The following USP53 variants were observed in gnomAD, a reference collection of about 807,000 sequenced individuals.
The protein encoded by USP53 is ubiquitin specific peptidase 53, also known as ubiquitin carboxyl-terminal hydrolase 53.
USP53 carries 71 observed loss-of-function variants against 94.9 expected under a neutral mutation model. The ratio of observed to expected loss-of-function variants is 0.75; its 90% CI spans 0.62 to 0.91. The LOEUF is 0.91. Ranked by LOEUF, USP53 falls within the 40% of genes least tolerant of loss-of-function variation. The probability of loss-of-function intolerance (pLI) is 0.00; values close to 1 mark genes in which losing one functional copy is unlikely to be tolerated. For missense variants in USP53, 1,173 were observed against 1,281.0 expected, an observed-to-expected ratio of 0.92 and a Z score of 1.29; for synonymous variants, 375 against 422.7, an observed-to-expected ratio of 0.89 and a Z score of 1.39.
chr4:119,279,521 A>G (rs375501293), intron 17 of USP53, among the ~76,000 whole-genome samples: 1 of 143,402 alleles, frequency 7.0e-6, no homozygotes, highest in South Asian at 2.2e-4. Context: ...AGACAGGGAC[A>G]CTTAAGTCTG....
At chr4:119,240,273 C>T (rs553886267) in intron 5 of USP53, among the ~76,000 whole-genome samples, 1 of 152,172 alleles carries the variant, frequency 6.6e-6, no homozygotes, top group African/African-American at 2.4e-5. Flanking sequence ...ACATAAGCTG[C>T]TTGTATTGAG....
intron 3 of USP53, among the ~76,000 whole-genome samples, chr4:119,222,242 G>T (rs1744637912): frequency 6.6e-6 from 1 of 152,146 alleles, no homozygotes; most frequent in Non-Finnish European, 1.5e-5. Context: ...AGCATACAGT[G>T]TATAATGATC....
At chr4:119,223,444 G>T (rs1162006897) in intron 3 of USP53, among the ~76,000 whole-genome samples, 2 of 152,050 alleles carry the variant, frequency 1.3e-5, no homozygotes, top group Non-Finnish European at 2.9e-5. Context: ...TTAATCTCTG[G>T]GAAAATCATT....
intron 3 of USP53, chr4:119,218,812 TTC>T (rs1252638801): frequency 2.6e-5 from 4 of 152,200 alleles, no homozygotes; most frequent in Admixed American, 1.3e-4. Context: ...GGTATAACTC[TTC>T]TGTTTGCTAT....
chr4:119,265,305 G>C (rs1750978880), intron 12 of USP53, among the ~76,000 whole-genome samples: 1 of 152,126 alleles, frequency 6.6e-6, no homozygotes, highest in Admixed American at 6.5e-5. Flanking sequence ...GAATTACTTA[G>C]TACTTTGATG....
At position 119,248,834 on chromosome 4, in the gene USP53, T is replaced by C. The variant is rs1199304862; in HGVS notation, c.324T>C (p.Asp108=). 1.2e-6 allele frequency: 2 copies of C among 1,614,168 alleles called. No homozygotes were observed. The highest frequency in any genetic ancestry group is 1.7e-6 in the Non-Finnish European group (2 of 1,180,028). The change falls in exon 7 of 19, where the codon GAT becomes GAC. Residue 108 remains aspartate (D), a synonymous_variant. Coordinates refer to ENST00000692078, the MANE Select transcript of USP53 (RefSeq NM_001371395.1). ...IRHALAESFK[D]EQRFQLGLMD... ...ATGCTCTTGCAGAAAGTTTCAAAGA[T>C]GAGCAGCGATTTCAACTTGGCCTTA... is the stretch of plus-strand genomic sequence containing the variant.
intron 17 of USP53, among the ~76,000 whole-genome samples, chr4:119,276,297 T>G (rs1702499367): frequency 6.7e-6 from 1 of 150,202 alleles, no homozygotes. Context: ...TATTGAGAGT[T>G]TTTAGCATGA....
At chr4:119,258,661 G>T (rs914892076) in intron 9 of USP53, among the ~76,000 whole-genome samples, 1 of 152,114 alleles carries the variant, frequency 6.6e-6, no homozygotes, top group Non-Finnish European at 1.5e-5. Context: ...CTTACATGGT[G>T]GCAGGCAAGA....
chr4:119,249,043 A>G (rs926779300), intron 7 of USP53, among the ~76,000 whole-genome samples, 161 bp downstream of exon 7: 4 of 152,188 alleles, frequency 2.6e-5, no homozygotes, highest in African/African-American at 9.6e-5. Flanking sequence ...CTCAACTTCA[A>G]TCCATCTGTG....
chr4:119,258,210 A>C (rs927914410), intron 9 of USP53, among the ~76,000 whole-genome samples: 28 of 152,192 alleles, frequency 1.8e-4, no homozygotes, highest in Non-Finnish European at 1.2e-4. Flanking sequence ...TCTGACTTCA[A>C]AATTTTTCTG....
intron 3 of USP53, among the ~76,000 whole-genome samples, chr4:119,229,334 A>G (rs1745743529): frequency 6.6e-6 from 1 of 152,046 alleles, no homozygotes; most frequent in Admixed American, 6.6e-5. Context: ...CATTTCATCT[A>G]TTCTTATGGT....
chr4:119,266,448 C>G (rs1386022167), intron 12 of USP53: 1 of 426,792 alleles, frequency 2.3e-6, no homozygotes, highest in Non-Finnish European at 4.7e-6. Context: ...ACATTCTCAG[C>G]AGCACTTCGT....
Position 119,271,364 on chromosome 4 carries a change from C to T in USP53, c.1504C>T (p.His502Tyr), listed in dbSNP as rs1751835192. Residue 502 changes from histidine (H) to tyrosine (Y), a missense_variant, in exon 16 of 19, where the codon CAT (histidine) becomes TAT (tyrosine). His to Tyr is a moderately conservative substitution (Grantham distance 83). Coordinates refer to ENST00000692078, the MANE Select transcript of USP53 (RefSeq NM_001371395.1). ...TCCTGCCCCAAATGGTTTTAAACAACATGGGAATCCACATCTATATCATAG... is the reference window on the plus strand; with the variant it reads ...TCCTGCCCCAAATGGTTTTAAACAATATGGGAATCCACATCTATATCATAG... ...SPPAPNGFKQ[H>Y]GNPHLYHSQG... is the part of the protein sequence containing the mutation. 1.9e-6 allele frequency: 3 copies of T among 1,610,250 alleles called. No homozygotes were observed. The highest frequency in any genetic ancestry group is 2.5e-6 in the Non-Finnish European group (3 of 1,179,056).
chr4:119,283,880 A>G (rs1352329094), intron 17 of USP53, among the ~76,000 whole-genome samples: 6 of 151,928 alleles, frequency 3.9e-5, no homozygotes, highest in Non-Finnish European at 7.4e-5. Context: ...ATCCACCTAT[A>G]TAGGAATTGA....
chr4:119,293,309 G>A lies in USP53; in HGVS notation c.*98G>A. 1.4e-6 allele frequency: 2 copies of A among 1,384,980 alleles called. No homozygotes were observed. Among genetic ancestry groups the A allele is most frequent in the Admixed American group, 2.7e-5 (1 of 36,790 alleles). 85.8% of individuals were successfully genotyped at this position (1,384,980 alleles called of 1,614,324 possible). On this transcript the variant is annotated 3_prime_UTR_variant, in exon 19 of 19. Transcript: ENST00000692078. ...CTAGCATACATTGTAATAGATAACT[G>A]GTAAAACTGACCAACTTTTACTTCT...
intron 3 of USP53, among the ~76,000 whole-genome samples, chr4:119,229,707 A>G (rs952528471): frequency 6.6e-6 from 1 of 152,022 alleles, no homozygotes; most frequent in Non-Finnish European, 1.5e-5. Context: ...TCTCCTGTGC[A>G]TTCCTTCACC....
At chr4:119,254,847 A>C (rs1350470006) in intron 7 of USP53, among the ~76,000 whole-genome samples, 2 of 152,048 alleles carry the variant, frequency 1.3e-5, no homozygotes, top group African/African-American at 4.8e-5. Flanking sequence ...CTTTCTCCCC[A>C]TCTTTGTGGT....
In USP53 at chr4:119,292,835, C is replaced by CA; in HGVS notation, c.2847dup (p.Glu950ArgfsTer4). 6.2e-7 allele frequency: 1 copy of CA among 1,614,108 alleles called. No homozygotes were observed. The highest frequency in any genetic ancestry group is 8.5e-7 in the Non-Finnish European group (1 of 1,179,978). The stretch of plus-strand genomic sequence containing the variant: ...GAATCTACACCTGATGTCAAACTTA[C>CA]AGAGGTGTTTAAAGCTACCTCTCAT... On this transcript the variant is annotated frameshift_variant, in exon 19 of 19. Coordinates refer to ENST00000692078, the MANE Select transcript of USP53 (RefSeq NM_001371395.1). LOFTEE classifies it low-confidence loss of function (END_TRUNC).
At chr4:119,267,175 T>C (rs1297081196) in intron 12 of USP53, 145 bp from the exon 13 acceptor site, 4 of 565,240 alleles carry the variant, frequency 7.1e-6, no homozygotes, top group Admixed American at 7.7e-5. Flanking sequence ...CTAAATACAG[T>C]TAATTATATG....
Sources: gnomAD v4.1 joint callset for allele counts (sites outside exome capture counted in the v4.1 genomes callset) on GRCh38, gnomAD v4.1.1 for gene constraint, MANE v1.5 for transcripts, NCBI Gene and HGNC (gene_info 2026-07-23, HGNC 2026-07-21) for gene names.